CCDC171: variants seen among roughly 807,000 people sequenced by gnomAD.
The protein encoded by CCDC171 is coiled-coil domain containing 171.
In CCDC171, 177 loss-of-function variants were observed where a neutral mutation model predicts 168.2. That is an observed-to-expected ratio of 1.05 (90% confidence interval 0.93 to 1.19). The LOEUF is 1.19. CCDC171 is among the 50% of genes most tolerant of loss of function. The probability of loss-of-function intolerance (pLI) is 0.00; values close to 1 mark genes in which losing one functional copy is unlikely to be tolerated. For synonymous variants in CCDC171, 687 were observed against 540.8 expected, an observed-to-expected ratio of 1.27 and a Z score of -3.75; for missense variants, 1,991 against 1,539.0, an observed-to-expected ratio of 1.29 and a Z score of -4.91.
At chr9:15,868,879 C>T (rs1252634228) in intron 23 of CCDC171, among the ~76,000 whole-genome samples, 1 of 151,824 alleles carries the variant, frequency 6.6e-6, no homozygotes, top group African/African-American at 2.4e-5. Context: ...GGGATTGGTT[C>T]CCAAACCTTC....
At chr9:15,908,402 A>G (rs1466467338) in intron 24 of CCDC171, among the ~76,000 whole-genome samples, 2 of 151,972 alleles carry the variant, frequency 1.3e-5, no homozygotes, top group Non-Finnish European at 2.9e-5. Context: ...AACTATCACA[A>G]GGAGAAAAAA....
chr9:16,089,814 A>T, the CCDC171 span, among the ~76,000 whole-genome samples: 43 of 152,334 alleles, frequency 2.8e-4, 1 homozygote, highest in East Asian at 7.9e-3. Context: ...CTCAAGAAAC[A>T]TGAAAAAAAG....
At chr9:16,094,753 A>C in the CCDC171 span, among the ~76,000 whole-genome samples, 1 of 152,240 alleles carries the variant, frequency 6.6e-6, no homozygotes, top group Non-Finnish European at 1.5e-5. Flanking sequence ...ATGATATGAA[A>C]TAATCAGAAA....
At chr9:16,088,257 G>A in the CCDC171 span, among the ~76,000 whole-genome samples, 320 of 152,256 alleles carry the variant, frequency 2.1e-3, 1 homozygote, top group African/African-American at 7.6e-3. Flanking sequence ...CACACCCACA[G>A]CCAATATCAT....
At chr9:15,800,558 G>A (rs2058773890) in intron 21 of CCDC171, among the ~76,000 whole-genome samples, 1 of 151,978 alleles carries the variant, frequency 6.6e-6, no homozygotes, top group Non-Finnish European at 1.5e-5. Flanking sequence ...CCCATTCAGT[G>A]GGTTGTGTCT....
intron 7 of CCDC171, among the ~76,000 whole-genome samples, chr9:15,635,799 A>C (rs539900030): frequency 6.6e-6 from 1 of 152,242 alleles, no homozygotes; most frequent in East Asian, 1.9e-4. Flanking sequence ...TGTCTTTATG[A>C]TATATCTAGG....
At chr9:15,966,552 A>C (rs538214225) in intron 25 of CCDC171, among the ~76,000 whole-genome samples, 1 of 152,220 alleles carries the variant, frequency 6.6e-6, no homozygotes, top group South Asian at 2.1e-4. Context: ...CTGAGGACAG[A>C]GTTGTTGTGA....
intron 24 of CCDC171, among the ~76,000 whole-genome samples, chr9:15,917,592 A>G (rs1824701343): frequency 6.6e-6 from 1 of 151,736 alleles, no homozygotes; most frequent in Non-Finnish European, 1.5e-5. Context: ...AAAATTTCTG[A>G]CATTACTTCT....
At chr9:15,681,450 C>T (rs1037890456) in intron 10 of CCDC171, among the ~76,000 whole-genome samples, 9 of 152,000 alleles carry the variant, frequency 5.9e-5, no homozygotes, top group African/African-American at 1.7e-4. Context: ...TTCTTCTTCC[C>T]TGTTAGCTTT....
rs928857112 is a variant in CCDC171, at chr9:15,848,140, C to T, written c.3414-753C>T. ...GACCTCCAGATTCAAATTGTATTTT[C>T]AAAACATTGCTGTTAATTCAGTGTT... is the stretch of plus-strand genomic sequence containing the variant. On this transcript the variant is annotated intron_variant, in intron 22 of 25. Coordinates refer to ENST00000380701, the MANE Select transcript of CCDC171 (RefSeq NM_173550.4). Among the ~76,000 whole-genome samples the T allele has an allele frequency of 1.9e-4, 29 of 151,854 alleles. 1 individual carries two copies. The highest frequency in any genetic ancestry group is 7.0e-4 in the African/African-American group (29 of 41,406).
downstream of CCDC171, among the ~76,000 whole-genome samples, chr9:15,975,381 A>AT (rs1004304825): frequency 8.5e-5 from 13 of 152,146 alleles, no homozygotes; most frequent in African/African-American, 3.1e-4. Flanking sequence ...AGAAAAAAAA[A>AT]TTTTTTTTAA....
chr9:15,579,712 T>C (rs1286110824), intron 4 of CCDC171, among the ~76,000 whole-genome samples: 2 of 152,082 alleles, frequency 1.3e-5, no homozygotes, highest in Admixed American at 6.6e-5. Context: ...TTTTGTACTT[T>C]ATATGAATGG....
chr9:15,981,242 G>C (rs2132869763), intron 3 of CCDC171, among the ~76,000 whole-genome samples: 1 of 152,186 alleles, frequency 6.6e-6, no homozygotes, highest in South Asian at 2.1e-4. Context: ...GATTAGAAGA[G>C]GTCATGAGAG....
In CCDC171 at chr9:15,957,642, A is replaced by G. The variant is rs528425889; in HGVS notation, c.3754-13967A>G. Among the ~76,000 whole-genome samples, 5 of 152,322 alleles carry G rather than the reference A, an allele frequency of 3.3e-5. No homozygotes were observed. In the South Asian group the frequency reaches 1.0e-3, roughly 32 times the overall value. On this transcript the variant is annotated intron_variant, in intron 25 of 25. Coordinates refer to ENST00000380701, the MANE Select transcript of CCDC171 (RefSeq NM_173550.4). ...AGGAAACTTTGAAGGTTTACATCAAACAATTAGATTTCTTCAAAATTTAGC... is the reference window on the plus strand; with the variant it reads ...AGGAAACTTTGAAGGTTTACATCAAGCAATTAGATTTCTTCAAAATTTAGC...
intron 6 of CCDC171, among the ~76,000 whole-genome samples, chr9:15,599,676 T>C (rs559474977): frequency 2.6e-5 from 4 of 152,132 alleles, no homozygotes; most frequent in Non-Finnish European, 5.9e-5. Context: ...TCTGTATTTC[T>C]TGAATCTGAA....
chr9:15,806,441 T>A (rs751756680), intron 21 of CCDC171, among the ~76,000 whole-genome samples: 1 of 152,208 alleles, frequency 6.6e-6, no homozygotes, highest in African/African-American at 2.4e-5. Flanking sequence ...GGTAATGAAT[T>A]CCCTTAGCAT....
At chr9:16,016,568 C>T (rs571180475) in intron 3 of CCDC171, among the ~76,000 whole-genome samples, 15 of 152,250 alleles carry the variant, frequency 9.9e-5, no homozygotes, top group African/African-American at 2.9e-4. Context: ...CGGATGAGGT[C>T]GGTGAGCCAC....
At chr9:15,989,617 TC>T (rs1242725571) in intron 3 of CCDC171, among the ~76,000 whole-genome samples, 2 of 151,842 alleles carry the variant, frequency 1.3e-5, no homozygotes, top group African/African-American at 4.8e-5. Flanking sequence ...TTTCAGATGA[TC>T]AAACTTCTCC....
intron 7 of CCDC171, among the ~76,000 whole-genome samples, chr9:15,647,485 T>G (rs1179747185): frequency 6.6e-6 from 1 of 151,518 alleles, no homozygotes; most frequent in East Asian, 1.9e-4. Context: ...ATCAACAAAA[T>G]TGCTAGACCA....
Sources: gnomAD v4.1 joint callset for allele counts (sites outside exome capture counted in the v4.1 genomes callset) on GRCh38, gnomAD v4.1.1 for gene constraint, MANE v1.5 for transcripts, NCBI Gene and HGNC (gene_info 2026-07-23, HGNC 2026-07-21) for gene names.